Variants in OPHN1 observed in about 807,000 individuals in gnomAD.
OPHN1 encodes the protein oligophrenin 1.
Under a neutral mutation model 60.7 loss-of-function variants are expected in OPHN1, and 11 were observed. The ratio of observed to expected loss-of-function variants is 0.18; its 90% CI spans 0.11 to 0.30. OPHN1 has a LOEUF of 0.30. Ranked by LOEUF, OPHN1 falls within the 10% of genes least tolerant of loss-of-function variation. The probability of loss-of-function intolerance (pLI) is 1.00; values close to 1 mark genes in which losing one functional copy is unlikely to be tolerated. For missense variants in OPHN1, 449 were observed against 611.0 expected, an observed-to-expected ratio of 0.73 and a Z score of 2.80; for synonymous variants, 226 against 222.6, an observed-to-expected ratio of 1.02 and a Z score of -0.14.
In OPHN1 at chrX:68,205,889, A is replaced by G. The variant is rs141336264; in HGVS notation, c.933+684T>C. Among the ~76,000 whole-genome samples the G allele has an allele frequency of 3.6e-5, 4 of 110,922 alleles. No individual in the cohort carries two copies. In the Admixed American group the frequency reaches 3.9e-4, roughly 11 times the overall value. On this transcript the variant is annotated intron_variant, in intron 10 of 24. Transcript: ENST00000355520. Reference sequence around the variant, plus strand: ...GTTAAAGGGGAAAGAGGCACATTGAACTACTTTTAGAATATAAACAATCTG... The same window carrying G: ...GTTAAAGGGGAAAGAGGCACATTGAGCTACTTTTAGAATATAAACAATCTG...
At chrX:68,217,827 G>T (rs950223609) in intron 6 of OPHN1, among the ~76,000 whole-genome samples, 3 of 64,567 alleles carry the variant, frequency 4.6e-5, no homozygotes, top group Admixed American at 4.3e-4. Context: ...CAAAGATGGG[G>T]AAAAAACAGA....
intron 18 of OPHN1, 25 bp from the exon 19 acceptor site, chrX:68,097,054 T>A (rs1351133460): frequency 8.4e-7 from 1 of 1,193,936 alleles, no homozygotes. Flanking sequence ...GGGGCAAGAT[T>A]AACAAAATTT....
Position 68,053,791 on chromosome X carries a change from G to T in OPHN1, c.2178C>A (p.Ser726Arg). ...HHKEGDADSF[S>R]KVRPPGEKPT... Reference sequence around the variant, plus strand: ...GCTTTTCTCCTGGAGGCCGCACTTTGCTGAAACTGTCAGCATCCCCTGGAA... The same window carrying T: ...GCTTTTCTCCTGGAGGCCGCACTTTTCTGAAACTGTCAGCATCCCCTGGAA... Residue 726 changes from serine to arginine, a missense_variant, in exon 22 of 25, where the codon AGC (serine) becomes AGA (arginine). Ser to Arg is a moderately radical substitution (Grantham distance 110). Coordinates refer to ENST00000355520, the MANE Select transcript of OPHN1 (RefSeq NM_002547.3). The T allele has an allele frequency of 8.3e-7, 1 of 1,209,975 alleles. No homozygotes were observed. Among genetic ancestry groups the T allele is most frequent in the African/African-American group, 1.7e-5 (1 of 57,518 alleles).
intron 15 of OPHN1, among the ~76,000 whole-genome samples, chrX:68,189,663 C>A (rs1452372340): frequency 9.0e-6 from 1 of 111,372 alleles, no homozygotes; most frequent in African/African-American, 3.3e-5. Context: ...CTAATCCTCA[C>A]ATAAAACCTA....
chrX:68,182,111 C>T (rs1351345730), intron 15 of OPHN1, among the ~76,000 whole-genome samples: 2 of 108,554 alleles, frequency 1.8e-5, no homozygotes, highest in African/African-American at 6.7e-5. Context: ...CCTTAGGCAC[C>T]GGAGTGAGGA....
chrX:68,268,172 G>T (rs1218614009), intron 5 of OPHN1, among the ~76,000 whole-genome samples: 4 of 111,440 alleles, frequency 3.6e-5, no homozygotes, highest in Non-Finnish European at 7.5e-5. Flanking sequence ...ACAAGGAGCA[G>T]CTCGTACCAT....
chrX:68,221,904 C>T (rs1462051523), intron 6 of OPHN1, among the ~76,000 whole-genome samples: 2 of 94,964 alleles, frequency 2.1e-5, no homozygotes, highest in Non-Finnish European at 4.2e-5. Context: ...AAAGCAATGG[C>T]AACAAAAGAC....
intron 5 of OPHN1, among the ~76,000 whole-genome samples, chrX:68,240,452 C>T (rs1423362048): frequency 9.0e-6 from 1 of 110,741 alleles, no homozygotes. Flanking sequence ...AATATATATC[C>T]GTCTACTCAG....
intron 15 of OPHN1, among the ~76,000 whole-genome samples, chrX:68,155,131 A>G (rs1419757040): frequency 8.1e-5 from 9 of 111,721 alleles, no homozygotes; most frequent in African/African-American, 2.9e-4. Flanking sequence ...AAGTTAAGGA[A>G]GAATCAGAAT....
intron 2 of OPHN1, among the ~76,000 whole-genome samples, chrX:68,327,939 C>T (rs972902341): frequency 7.8e-5 from 8 of 103,168 alleles, no homozygotes; most frequent in Non-Finnish European, 1.4e-4. Context: ...ACGCCATTCT[C>T]CTGCCTCAGC....
At position 68,300,305 on chromosome X, in the gene OPHN1, G is replaced by A. The variant is rs778258205; in HGVS notation, c.155-1209C>T. ...GTCCTTTTAATGAAAAGCTGACATC[G>A]TTAAGCAAAAACACAATAAAACAAG... On this transcript the variant is annotated intron_variant, in intron 2 of 24. Coordinates refer to ENST00000355520, the MANE Select transcript of OPHN1 (RefSeq NM_002547.3). Among the ~76,000 whole-genome samples the A allele has an allele frequency of 8.9e-5, 10 of 111,997 alleles. No homozygotes were observed. In the East Asian group the frequency reaches 2.5e-3, roughly 28 times the overall value.
intron 2 of OPHN1, among the ~76,000 whole-genome samples, chrX:68,310,083 T>C (rs767078823): frequency 1.8e-5 from 2 of 112,355 alleles, no homozygotes; most frequent in Non-Finnish European, 3.8e-5. Flanking sequence ...TAACCCTGTA[T>C]TTCCTCTAGG....
At chrX:68,144,184 AT>A (rs979348615) in intron 15 of OPHN1, among the ~76,000 whole-genome samples, 1 of 109,273 alleles carries the variant, frequency 9.2e-6, no homozygotes, top group African/African-American at 3.3e-5. Flanking sequence ...ACACCTGGTT[AT>A]TTTTTTTAAT....
rs748725341 is a variant in OPHN1 at position 68,095,813 on chromosome X, G to T, written c.1686+1057C>A. Among the ~76,000 whole-genome samples the T allele has an allele frequency of 9.9e-5, 11 of 111,411 alleles. 1 individual carries two copies. In the South Asian group the frequency reaches 4.1e-3, roughly 42 times the overall value. On this transcript the variant is annotated intron_variant, in intron 19 of 24. Coordinates refer to ENST00000355520, the MANE Select transcript of OPHN1 (RefSeq NM_002547.3). Reference sequence around the variant, plus strand: ...ACCCCAGTGTGCAGGGCCATCTGTTGCAAGTGTACAAGAATTTGTCAATAA... The same window carrying T: ...ACCCCAGTGTGCAGGGCCATCTGTTTCAAGTGTACAAGAATTTGTCAATAA...
At chrX:68,155,540 G>A (rs1426938671) in intron 15 of OPHN1, among the ~76,000 whole-genome samples, 3 of 112,068 alleles carry the variant, frequency 2.7e-5, no homozygotes. Flanking sequence ...GTGGATCTGT[G>A]AGTCAATTAA....
intron 5 of OPHN1, among the ~76,000 whole-genome samples, chrX:68,253,875 A>T (rs2077848151): frequency 8.9e-6 from 1 of 111,734 alleles, no homozygotes; most frequent in Non-Finnish European, 1.9e-5. Flanking sequence ...TCCTGCCCTT[A>T]GAAAGATTCA....
Position 68,210,385 on chromosome X carries a change from T to C in OPHN1, c.703-103A>G, listed in dbSNP as rs775979645. ...TACAAAGTTTTCCCTGCTTACAGCA[T>C]GTGCAACCACAAAGCAAAAAAAGAA... On this transcript the variant is annotated intron_variant, in intron 8 of 24. Transcript: ENST00000355520. The C allele has an allele frequency of 9.7e-6, 8 of 828,197 alleles. 1 individual carries two copies. In the South Asian group the frequency reaches 1.2e-4, roughly 12 times the overall value. The allele number at this position is 828,197 out of a possible 1,213,427, so 68.3% of individuals were successfully genotyped here.
intron 3 of OPHN1, among the ~76,000 whole-genome samples, chrX:68,294,473 C>CAAAAAAAAAAA (rs570989143): frequency 9.4e-5 from 1 of 10,644 alleles, no homozygotes; most frequent in African/African-American, 2.5e-4. Context: ...GACTCTATCA[C>CAAAAAAAAAAA]AAAAAAAAAA....
intron 15 of OPHN1, among the ~76,000 whole-genome samples, chrX:68,122,367 C>A (rs2077154108): frequency 9.0e-6 from 1 of 110,769 alleles, no homozygotes. Context: ...AAAGTCTTCC[C>A]AAGAAGGACA....
Sources: allele counts gnomAD v4.1 joint callset (sites outside exome capture counted in the v4.1 genomes callset), GRCh38; gene constraint gnomAD v4.1.1; transcripts MANE v1.5; gene names NCBI Gene and HGNC (gene_info 2026-07-23, HGNC 2026-07-21).